PREX2: variants seen among roughly 807,000 people sequenced by gnomAD.
PREX2 encodes the protein phosphatidylinositol-3,4,5-trisphosphate dependent Rac exchange factor 2.
Under a neutral mutation model 203.2 loss-of-function variants are expected in PREX2, and 107 were observed. The ratio of observed to expected loss-of-function variants is 0.53; its 90% CI spans 0.45 to 0.62. PREX2 has a LOEUF of 0.62. Ranked by LOEUF, PREX2 falls within the 20% of genes least tolerant of loss-of-function variation. The pLI is 0.00. For missense variants in PREX2, 1,777 were observed against 1,955.9 expected (o/e 0.91, Z 1.72); for synonymous variants, 672 against 663.6 (o/e 1.01, Z -0.19).
At chr8:68,098,972 ATATATC>A (rs1158260635) in intron 22 of PREX2, among the ~76,000 whole-genome samples, 2 of 142,980 alleles carry the variant, frequency 1.4e-5, no homozygotes, top group African/African-American at 5.3e-5. Context: ...ATATATATAT[ATATATC>A]TCACATAATT....
intron 1 of PREX2, among the ~76,000 whole-genome samples, chr8:67,984,374 T>C (rs964394454): frequency 1.3e-5 from 2 of 152,242 alleles, no homozygotes; most frequent in African/African-American, 4.8e-5. Flanking sequence ...TGTTGAACTG[T>C]GCTTTTTGAA....
intron 35 of PREX2, among the ~76,000 whole-genome samples, chr8:68,182,303 A>G (rs1248760568): frequency 6.6e-6 from 1 of 152,078 alleles, no homozygotes; most frequent in Admixed American, 6.6e-5. Context: ...AAACGGTGCT[A>G]TTGTCATCAC....
At chr8:68,115,727 C>CAT in intron 25 of PREX2, 26 bp from the exon 26 acceptor site, 1 of 1,544,334 alleles carries the variant, frequency 6.5e-7, no homozygotes, top group Non-Finnish European at 8.8e-7. Context: ...TGAAAATGTG[C>CAT]ATTTTTTTTT....
intron 23 of PREX2, chr8:68,103,560 C>G: frequency 1.9e-6 from 1 of 518,874 alleles, no homozygotes; most frequent in Non-Finnish European, 3.8e-6. Flanking sequence ...TTTCTTTGAT[C>G]TTTCTCCTGG....
chr8:68,171,556 A>T (rs1467740526), intron 35 of PREX2, among the ~76,000 whole-genome samples: 1 of 152,056 alleles, frequency 6.6e-6, no homozygotes, highest in East Asian at 1.9e-4. Context: ...CTGCCATTTC[A>T]TGTCTTTAAG....
intron 1 of PREX2, among the ~76,000 whole-genome samples, chr8:68,017,368 GCTAT>G (rs200096507): frequency 1.8e-4 from 28 of 152,116 alleles, no homozygotes; most frequent in East Asian, 3.9e-4. Context: ...GGCAGGGATA[GCTAT>G]CTATCTATCT....
rs10581118 is a variant in PREX2, at chr8:67,976,394, C to CAGAG, written c.141+23875_141+23878dup. On this transcript the variant is annotated intron_variant, in intron 1 of 39. Transcript: ENST00000288368. ...ACACTGAGAGAAAGAGGGAGAGAGA[C>CAGAG]AGAGAGAGAGAGAGAGAGACAGGAG... 3.0e-5 allele frequency among the ~76,000 whole-genome samples: 4 copies of CAGAG among 134,580 alleles called. 1 individual carries two copies. Among genetic ancestry groups the CAGAG allele is most frequent in the Non-Finnish European group, 6.6e-5 (4 of 60,728 alleles). 88.3% of individuals were successfully genotyped at this position (134,580 alleles called of 152,430 possible).
At chr8:68,146,542 C>T (rs1402018131) in intron 34 of PREX2, among the ~76,000 whole-genome samples, 190 bp downstream of exon 34, 1 of 151,948 alleles carries the variant, frequency 6.6e-6, no homozygotes, top group African/African-American at 2.4e-5. Flanking sequence ...AATACAGTTG[C>T]AGCATTATTT....
intron 1 of PREX2, among the ~76,000 whole-genome samples, chr8:67,991,824 T>C (rs964303750): frequency 3.9e-5 from 6 of 152,172 alleles, no homozygotes; most frequent in African/African-American, 1.4e-4. Flanking sequence ...TTTAGCCAAT[T>C]GGTGCCAGCC....
At chr8:68,104,532 G>A (rs1299688579) in intron 23 of PREX2, among the ~76,000 whole-genome samples, 1 of 152,168 alleles carries the variant, frequency 6.6e-6, no homozygotes, top group East Asian at 1.9e-4. Flanking sequence ...TTAAATGCCA[G>A]CTTCAGTGAG....
In PREX2 at chr8:68,192,525, G is replaced by T. The variant is rs754115767; in HGVS notation, c.4604G>T (p.Arg1535Leu). 2 of 1,604,330 alleles carry T rather than the reference G, an allele frequency of 1.2e-6. No individual in the cohort carries two copies. The highest frequency in any genetic ancestry group is 2.2e-5 in the East Asian group (1 of 44,654). Residue 1535 changes from arginine to leucine, a missense_variant and splice_region_variant, in exon 37 of 40, where the codon CGG becomes CTG. Coordinates refer to ENST00000288368, the MANE Select transcript of PREX2 (RefSeq NM_024870.4). ...ATCATGTGCAGCAGCGGTGTGCATCGGTATGTGACCCTCCCGCCTTGCTTG... is the reference window on the plus strand; with the variant it reads ...ATCATGTGCAGCAGCGGTGTGCATCTGTATGTGACCCTCCCGCCTTGCTTG... ...HIIMCSSGVH[R>L]CTLSVTLEQA... is the part of the protein sequence containing the mutation.
intron 35 of PREX2, among the ~76,000 whole-genome samples, chr8:68,167,230 T>C (rs1054462860): frequency 1.3e-5 from 2 of 152,088 alleles, no homozygotes; most frequent in African/African-American, 2.4e-5. Context: ...CCTAAAAAAG[T>C]CACAAACTCC....
intron 1 of PREX2, among the ~76,000 whole-genome samples, chr8:67,960,624 CA>C (rs1805609227): frequency 6.6e-6 from 1 of 152,126 alleles, no homozygotes; most frequent in South Asian, 2.1e-4. Flanking sequence ...TGAGTAAGGA[CA>C]AGGGCCACTT....
At chr8:68,101,302 A>G (rs1810256715) in intron 23 of PREX2, 1 of 515,238 alleles carries the variant, frequency 1.9e-6, no homozygotes, top group Non-Finnish European at 3.9e-6. Context: ...TAAATGAGTC[A>G]AGGGAAAAGA....
intron 1 of PREX2, among the ~76,000 whole-genome samples, chr8:67,976,513 CAG>C (rs1806096220): frequency 4.7e-5 from 3 of 63,770 alleles, no homozygotes; most frequent in Admixed American, 2.1e-4. Flanking sequence ...GAGGGACAGA[CAG>C]AGACAGAGAC....
chr8:67,993,411 T>C (rs4994458), intron 1 of PREX2, among the ~76,000 whole-genome samples: 70,907 of 145,080 alleles, frequency 0.49, 17,575 homozygotes, highest in South Asian at 0.6. Context: ...TTTTTTTTTT[T>C]CTTTTTTTTT....
chr8:68,040,193 T>G (rs1808155829), intron 7 of PREX2, among the ~76,000 whole-genome samples: 1 of 152,108 alleles, frequency 6.6e-6, no homozygotes. Flanking sequence ...CACATGCAGT[T>G]GATTTTGTTT....
chr8:68,058,447 T>C (rs1342029306), intron 10 of PREX2, among the ~76,000 whole-genome samples: 1 of 152,126 alleles, frequency 6.6e-6, no homozygotes, highest in Non-Finnish European at 1.5e-5. Flanking sequence ...TTCTTTTTTT[T>C]TTTTGAGATG....
intron 24 of PREX2, 89 bp from the exon 25 acceptor site, chr8:68,109,327 A>C (rs1047332519): frequency 1.9e-5 from 18 of 940,054 alleles, no homozygotes; most frequent in Non-Finnish European, 2.9e-5. Flanking sequence ...TTATCTGTCA[A>C]TTAAAAAATA....
Sources: gnomAD v4.1 joint callset for allele counts (sites outside exome capture counted in the v4.1 genomes callset) on GRCh38, gnomAD v4.1.1 for gene constraint, MANE v1.5 for transcripts, NCBI Gene and HGNC (gene_info 2026-07-23, HGNC 2026-07-21) for gene names.